Variants in FGF14 observed in about 807,000 individuals in gnomAD.
FGF14 encodes fibroblast growth factor 14.
FGF14 carries 5 observed loss-of-function variants against 25.5 expected under a neutral mutation model. The ratio of observed to expected loss-of-function variants is 0.20; its 90% CI spans 0.10 to 0.41. FGF14 has a LOEUF of 0.41. Among genes scored for constraint, FGF14 ranks in the 10% least tolerant of loss-of-function variants. The pLI is 1.00. For synonymous variants in FGF14, 138 were observed against 118.3 expected (o/e 1.17, Z -1.08); for missense variants, 222 against 320.1 (o/e 0.69, Z 2.34).
intron 1 of FGF14, among the ~76,000 whole-genome samples, chr13:102,037,787 C>G (rs1423199071): frequency 2.6e-5 from 4 of 152,074 alleles, no homozygotes; most frequent in East Asian, 1.9e-4. Flanking sequence ...TGGATTGAGC[C>G]TAGTAATGGA....
chr13:102,326,999 C>T (rs1302156208), intron 1 of FGF14, among the ~76,000 whole-genome samples: 4 of 152,082 alleles, frequency 2.6e-5, no homozygotes, highest in Non-Finnish European at 5.9e-5. Context: ...TAGTTCAACC[C>T]AGCATAAGAT....
chr13:101,728,039 G>A lies in FGF14; in HGVS notation c.409-1229C>T, dbSNP rs1217885412. The stretch of plus-strand genomic sequence containing the variant: ...AGGGGCTAAAAACTAAAACATTAAG[G>A]GCTTGACTTTATGCTAACTGTAATT... On this transcript the variant is annotated intron_variant, in intron 3 of 4. Transcript: ENST00000376143. 4.6e-5 allele frequency among the ~76,000 whole-genome samples: 7 copies of A among 151,976 alleles called. 1 individual carries two copies. The highest frequency in any genetic ancestry group is 1.0e-4 in the Non-Finnish European group (7 of 68,004).
At chr13:102,300,942 C>G (rs976275744) in intron 1 of FGF14, among the ~76,000 whole-genome samples, 1 of 143,502 alleles carries the variant, frequency 7.0e-6, no homozygotes, top group African/African-American at 2.8e-5. Context: ...CACACATACA[C>G]ACACACACAC....
chr13:102,014,701 C>T (rs58588112), intron 1 of FGF14, among the ~76,000 whole-genome samples: 4,819 of 152,180 alleles, frequency 0.032, 246 homozygotes, highest in African/African-American at 0.11. Flanking sequence ...TCCACAGTCA[C>T]TTATTTCGTA....
chr13:102,163,977 C>A (rs1267171366), intron 1 of FGF14, among the ~76,000 whole-genome samples: 1 of 152,082 alleles, frequency 6.6e-6, no homozygotes, highest in Non-Finnish European at 1.5e-5. Flanking sequence ...TAGATTATCA[C>A]GTTTTACCAA....
At chr13:102,151,996 G>A (rs1049681725) in intron 1 of FGF14, among the ~76,000 whole-genome samples, 1 of 152,134 alleles carries the variant, frequency 6.6e-6, no homozygotes, top group African/African-American at 2.4e-5. Context: ...TTTCCAGGAA[G>A]TTGATGTTCA....
chr13:102,026,676 G>C (rs936969841), intron 1 of FGF14, among the ~76,000 whole-genome samples: 1 of 151,918 alleles, frequency 6.6e-6, no homozygotes, highest in Non-Finnish European at 1.5e-5. Context: ...AATAGTGAGA[G>C]CACTCAATGG....
rs569249850 is a variant in FGF14, at chr13:101,943,933, C to T, written c.209-68637G>A. ...AGGAGAATCACTTGAACCCAGGAGG[C>T]GGGGTTGTGGTGAGCCGAGATAGCA... On this transcript the variant is annotated intron_variant, in intron 1 of 4. Transcript: ENST00000376131. 5.1e-5 allele frequency among the ~76,000 whole-genome samples: 7 copies of T among 137,112 alleles called. No homozygotes were observed. In the South Asian group the frequency reaches 9.9e-4, roughly 19 times the overall value. 90.0% of individuals were successfully genotyped at this position (137,112 alleles called of 152,430 possible).
At chr13:102,191,952 C>T (rs2049140627) in intron 1 of FGF14, among the ~76,000 whole-genome samples, 1 of 152,142 alleles carries the variant, frequency 6.6e-6, no homozygotes, top group African/African-American at 2.4e-5. Flanking sequence ...TAAAACCAAC[C>T]AAGGCAAATT....
At chr13:101,741,156 T>C in intron 3 of FGF14, among the ~76,000 whole-genome samples, 1 of 152,116 alleles carries the variant, frequency 6.6e-6, no homozygotes, top group East Asian at 1.9e-4. Flanking sequence ...ACCAACATGG[T>C]GAAACCCTGT....
chr13:101,915,481 C>A (rs536492955), intron 1 of FGF14, among the ~76,000 whole-genome samples: 118 of 152,144 alleles, frequency 7.8e-4, no homozygotes, highest in Admixed American at 2.3e-3. Flanking sequence ...GCCAGCAATG[C>A]CCATTTCCCC....
At chr13:101,928,919 G>A (rs1222772176) in intron 1 of FGF14, among the ~76,000 whole-genome samples, 1 of 151,966 alleles carries the variant, frequency 6.6e-6, no homozygotes, top group Non-Finnish European at 1.5e-5. Context: ...TAAATGCTCT[G>A]AGTTGGATAT....
chr13:102,260,956 T>C (rs2052689551), intron 1 of FGF14, among the ~76,000 whole-genome samples: 1 of 152,206 alleles, frequency 6.6e-6, no homozygotes, highest in African/African-American at 2.4e-5. Context: ...CTATTGTGAC[T>C]GCCTCTTTCC....
At chr13:101,764,055 G>A (rs948757066) in intron 3 of FGF14, among the ~76,000 whole-genome samples, 8 of 152,144 alleles carry the variant, frequency 5.3e-5, no homozygotes, top group African/African-American at 1.4e-4. Context: ...GACCAAAGTG[G>A]CAGAAGCTAG....
At chr13:101,998,872 A>G (rs762068598) in intron 1 of FGF14, among the ~76,000 whole-genome samples, 2 of 152,214 alleles carry the variant, frequency 1.3e-5, no homozygotes, top group Non-Finnish European at 2.9e-5. Flanking sequence ...CACACATAGC[A>G]CAAAACACCT....
intron 1 of FGF14, chr13:102,373,339 C>T (rs1308655244): frequency 6.6e-6 from 1 of 152,080 alleles, no homozygotes; most frequent in Non-Finnish European, 1.5e-5. Context: ...CTGAAAGTGC[C>T]TAACTTTTAA....
intron 1 of FGF14, among the ~76,000 whole-genome samples, chr13:102,363,072 C>A (rs1003943460): frequency 5.9e-5 from 9 of 152,112 alleles, no homozygotes; most frequent in Non-Finnish European, 1.3e-4. Context: ...AATAATATTT[C>A]ATTGTGGTAA....
intron 1 of FGF14, among the ~76,000 whole-genome samples, chr13:102,361,476 C>A (rs1809064642): frequency 6.6e-6 from 1 of 152,162 alleles, no homozygotes; most frequent in Non-Finnish European, 1.5e-5. Flanking sequence ...CAGACTCCAG[C>A]CAAGCTGTGT....
chr13:101,927,692 T>G (rs976841543), intron 1 of FGF14, among the ~76,000 whole-genome samples: 2 of 152,140 alleles, frequency 1.3e-5, no homozygotes, highest in Non-Finnish European at 2.9e-5. Context: ...TGAAGGGTCA[T>G]TCTACCCTCG....
Sources: allele counts gnomAD v4.1 joint callset (sites outside exome capture counted in the v4.1 genomes callset), GRCh38; gene constraint gnomAD v4.1.1; transcripts MANE v1.5; gene names NCBI Gene and HGNC (gene_info 2026-07-23, HGNC 2026-07-21).